PLEKHM3: variants seen among roughly 807,000 people sequenced by gnomAD.
The protein encoded by PLEKHM3 is pleckstrin homology domain containing M3, also known as pleckstrin homology domain-containing family M member 3.
In PLEKHM3, 45 loss-of-function variants were observed where a neutral mutation model predicts 81.8. The observed-to-expected ratio is 0.55, with a 90% confidence interval of 0.43 to 0.71. PLEKHM3 has a LOEUF of 0.71. Ranked by LOEUF, PLEKHM3 falls within the 30% of genes least tolerant of loss-of-function variation. PLEKHM3 has a pLI of 0.00. For synonymous variants in PLEKHM3, 352 were observed against 356.4 expected (o/e 0.99, Z 0.14); for missense variants, 788 against 924.3 (o/e 0.85, Z 1.91).
At chr2:208,006,442 T>C (rs1375207920) in intron 1 of PLEKHM3, among the ~76,000 whole-genome samples, 1 of 152,234 alleles carries the variant, frequency 6.6e-6, no homozygotes, top group African/African-American at 2.4e-5. Context: ...AACTGTGTTC[T>C]AAATCTGGCT....
At chr2:207,981,987 C>T (rs1268505214) in intron 2 of PLEKHM3, among the ~76,000 whole-genome samples, 4 of 152,154 alleles carry the variant, frequency 2.6e-5, no homozygotes, top group Non-Finnish European at 4.4e-5. Flanking sequence ...CTACCTCTGC[C>T]ACGCCTGAGA....
At chr2:207,840,471 C>A (rs2092343957) in intron 7 of PLEKHM3, among the ~76,000 whole-genome samples, 2 of 152,330 alleles carry the variant, frequency 1.3e-5, no homozygotes, top group African/African-American at 2.4e-5. Flanking sequence ...GTTGTGATAA[C>A]AGGTGTGAGC....
At chr2:207,885,494 A>C (rs557807359) in intron 6 of PLEKHM3, among the ~76,000 whole-genome samples, 1 of 152,372 alleles carries the variant, frequency 6.6e-6, no homozygotes, top group South Asian at 2.1e-4. Flanking sequence ...TCATCAAAGC[A>C]GGAAATAAAG....
chr2:208,015,469 A>G (rs1298341398), intron 1 of PLEKHM3, among the ~76,000 whole-genome samples: 1 of 85,152 alleles, frequency 1.2e-5, no homozygotes. Context: ...GTTTATAGTT[A>G]ATTTACAAAA....
intron 6 of PLEKHM3, among the ~76,000 whole-genome samples, chr2:207,867,325 C>T (rs1343621704): frequency 6.6e-6 from 1 of 152,200 alleles, no homozygotes; most frequent in Middle Eastern, 3.2e-3. Flanking sequence ...CATTCATGGC[C>T]ATGTTCCAAA....
intron 7 of PLEKHM3, among the ~76,000 whole-genome samples, chr2:207,830,815 G>A (rs2092283087): frequency 6.6e-6 from 1 of 152,064 alleles, no homozygotes; most frequent in South Asian, 2.1e-4. Flanking sequence ...GCCAGGAGGA[G>A]AGGCCTCTCC....
intron 1 of PLEKHM3, among the ~76,000 whole-genome samples, chr2:208,004,290 C>T (rs1692420582): frequency 6.6e-6 from 1 of 151,980 alleles, no homozygotes; most frequent in Non-Finnish European, 1.5e-5. Flanking sequence ...TGGTGTGCAC[C>T]TGTAGTCCCA....
intron 2 of PLEKHM3, among the ~76,000 whole-genome samples, chr2:207,993,306 G>A (rs567123951): frequency 6.6e-6 from 1 of 152,118 alleles, no homozygotes; most frequent in African/African-American, 2.4e-5. Context: ...TCAATTTTCT[G>A]TGACCTATTT....
At chr2:207,914,510 C>A (rs1431234059) in intron 5 of PLEKHM3, among the ~76,000 whole-genome samples, 16 of 146,194 alleles carry the variant, frequency 1.1e-4, no homozygotes, top group East Asian at 2.0e-4. Flanking sequence ...AAAAAAAAAA[C>A]AAAAAACAAA....
At chr2:207,974,870 C>T (rs537400568) in intron 3 of PLEKHM3, among the ~76,000 whole-genome samples, 3 of 149,162 alleles carry the variant, frequency 2.0e-5, no homozygotes, top group African/African-American at 7.5e-5. Flanking sequence ...CTCACTCTGT[C>T]AACCAGGCTG....
intron 2 of PLEKHM3, among the ~76,000 whole-genome samples, chr2:207,980,364 C>T (rs1691477082): frequency 6.6e-6 from 1 of 152,112 alleles, no homozygotes; most frequent in Admixed American, 6.5e-5. Flanking sequence ...AATGAGAAGA[C>T]CGGCGAGGGA....
At chr2:207,927,448 A>C (rs1217152327) in intron 5 of PLEKHM3, among the ~76,000 whole-genome samples, 1 of 148,178 alleles carries the variant, frequency 6.7e-6, no homozygotes, top group Non-Finnish European at 1.5e-5. Context: ...CCCAGGAGGC[A>C]GAGGCTGCAG....
chr2:207,858,172 G>GTC (rs1245720060), intron 7 of PLEKHM3, among the ~76,000 whole-genome samples: 1 of 77,296 alleles, frequency 1.3e-5, no homozygotes, highest in African/African-American at 5.1e-5. Flanking sequence ...GTGTGTGTGT[G>GTC]TGTATATATT....
intron 1 of PLEKHM3, among the ~76,000 whole-genome samples, chr2:208,012,079 T>C (rs926846667): frequency 1.3e-5 from 2 of 152,150 alleles, no homozygotes; most frequent in African/African-American, 4.8e-5. Context: ...TCTCGCTCTG[T>C]CGCCCAGGCT....
At chr2:207,836,185 C>T (rs2092318011) in intron 7 of PLEKHM3, among the ~76,000 whole-genome samples, 1 of 152,062 alleles carries the variant, frequency 6.6e-6, no homozygotes, top group Non-Finnish European at 1.5e-5. Flanking sequence ...TCAATAAATG[C>T]ATCATATGCA....
At chr2:207,968,742 A>G (rs1055966483) in intron 3 of PLEKHM3, among the ~76,000 whole-genome samples, 3 of 152,252 alleles carry the variant, frequency 2.0e-5, no homozygotes, top group African/African-American at 7.2e-5. Context: ...CAAAGTTGGA[A>G]AAATAAAATT....
chr2:207,996,173 C>T (rs1692114114), intron 2 of PLEKHM3, among the ~76,000 whole-genome samples: 1 of 152,108 alleles, frequency 6.6e-6, no homozygotes, highest in Non-Finnish European at 1.5e-5. Flanking sequence ...CACACACAGT[C>T]AGGGAGGGGA....
intron 6 of PLEKHM3, among the ~76,000 whole-genome samples, chr2:207,884,902 T>C (rs757317523): frequency 3.2e-4 from 49 of 152,142 alleles, no homozygotes; most frequent in Admixed American, 2.9e-3. Context: ...TTGGAGTGGA[T>C]CATGAAAGAC....
chr2:207,880,083 A>G (rs188244413), intron 6 of PLEKHM3, among the ~76,000 whole-genome samples: 1 of 152,222 alleles, frequency 6.6e-6, no homozygotes, highest in Non-Finnish European at 1.5e-5. Context: ...CTAAAAAATT[A>G]GCCTGCTCCC....
Sources: gnomAD v4.1 joint callset for allele counts (sites outside exome capture counted in the v4.1 genomes callset) on GRCh38, gnomAD v4.1.1 for gene constraint, MANE v1.5 for transcripts, NCBI Gene and HGNC (gene_info 2026-07-23, HGNC 2026-07-21) for gene names.